Variants in WDR41 observed in about 807,000 individuals in gnomAD.
The protein encoded by WDR41 is WD repeat domain 41.
WDR41 carries 63 observed loss-of-function variants against 69.3 expected under a neutral mutation model. The observed-to-expected ratio is 0.91, with a 90% CI of 0.74 to 1.12. The LOEUF (loss-of-function observed/expected upper bound fraction) is 1.12, where lower values mean the gene tolerates loss of function less well. WDR41 is among the 50% of genes most tolerant of loss of function. WDR41 has a pLI of 0.00. For missense variants in WDR41, 543 were observed against 534.5 expected (o/e 1.02, Z -0.16); for synonymous variants, 185 against 192.1 (o/e 0.96, Z 0.31).
At chr5:77,571,975 G>A (rs572369275) in intron 1 of WDR41, among the ~76,000 whole-genome samples, 44 of 152,214 alleles carry the variant, frequency 2.9e-4, no homozygotes, top group Admixed American at 1.0e-3. Context: ...AGGCTTCTGA[G>A]CCACACAATT....
intron 1 of WDR41, among the ~76,000 whole-genome samples, chr5:77,523,717 A>T (rs189572145): frequency 2.1e-4 from 32 of 152,304 alleles, no homozygotes; most frequent in African/African-American, 7.5e-4. Context: ...AATGGATTTG[A>T]ATACACCCAT....
chr5:77,609,204 G>C (rs1359042325), intron 1 of WDR41, among the ~76,000 whole-genome samples: 1 of 152,230 alleles, frequency 6.6e-6, no homozygotes, highest in Non-Finnish European at 1.5e-5. Flanking sequence ...GCCTGCATCT[G>C]TAGGCTCCAC....
intron 1 of WDR41, among the ~76,000 whole-genome samples, chr5:77,609,836 G>C (rs1288228989): frequency 6.6e-6 from 1 of 152,154 alleles, no homozygotes; most frequent in African/African-American, 2.4e-5. Context: ...AGAGAAGAAG[G>C]CTTCAGACAA....
intron 1 of WDR41, among the ~76,000 whole-genome samples, chr5:77,513,145 C>T (rs1257157905): frequency 6.6e-6 from 1 of 152,042 alleles, no homozygotes; most frequent in African/African-American, 2.4e-5. Context: ...AACTATATGG[C>T]ACATGCACTT....
chr5:77,473,582 A>T (rs7702031), intron 2 of WDR41, among the ~76,000 whole-genome samples: 135,582 of 152,148 alleles, frequency 0.89, 60,770 homozygotes, highest in East Asian at 0.99. Flanking sequence ...TACAATGAAC[A>T]CCAACAAATT....
At chr5:77,576,463 G>A (rs1193755813) in intron 1 of WDR41, among the ~76,000 whole-genome samples, 1 of 152,072 alleles carries the variant, frequency 6.6e-6, no homozygotes, top group African/African-American at 2.4e-5. Context: ...ACTGACCAGG[G>A]CAACACCATT....
At chr5:77,523,959 C>A (rs1417591674) in intron 1 of WDR41, among the ~76,000 whole-genome samples, 1 of 152,148 alleles carries the variant, frequency 6.6e-6, no homozygotes, top group Non-Finnish European at 1.5e-5. Flanking sequence ...AGGGAATTGA[C>A]AAATGTTTCA....
intron 1 of WDR41, among the ~76,000 whole-genome samples, chr5:77,553,052 A>G (rs189471745): frequency 6.4e-4 from 98 of 152,332 alleles, no homozygotes; most frequent in African/African-American, 2.3e-3. Context: ...GACCTCCCTG[A>G]AATTAGAAAT....
chr5:77,499,540 G>A (rs116102974), intron 1 of WDR41: 6 of 152,266 alleles, frequency 3.9e-5, no homozygotes, highest in African/African-American at 7.2e-5. Context: ...CTCTCCATTC[G>A]GTAGAGCTCA....
In WDR41 at chr5:77,433,286, A is replaced by T; in HGVS notation, c.1229T>A (p.Met410Lys). The T allele has an allele frequency of 1.2e-6, 2 of 1,608,618 alleles. No homozygotes were observed. The highest frequency in any genetic ancestry group is 1.7e-6 in the Non-Finnish European group (2 of 1,178,470). Residue 410 changes from methionine (M) to lysine (K), a missense_variant and splice_region_variant, in exon 13 of 13, where the codon ATG (methionine) becomes AAG (lysine). Transcript: ENST00000296679. ...TCCATGATCTTCAAAGTATAGAAAC[A>T]TCTGTAAAGAAAATTAAAACTGATT... is the stretch of plus-strand genomic sequence containing the variant. ...DLIGHSSSVE[M>K]FLYFEDHGLV...
intron 1 of WDR41, among the ~76,000 whole-genome samples, chr5:77,564,460 T>C (rs1743583251): frequency 6.6e-6 from 1 of 152,178 alleles, no homozygotes; most frequent in Non-Finnish European, 1.5e-5. Context: ...CCATTAAGAC[T>C]TCATGGACAG....
intron 1 of WDR41, among the ~76,000 whole-genome samples, chr5:77,598,423 C>A (rs1744262459): frequency 6.6e-6 from 1 of 152,154 alleles, no homozygotes; most frequent in Admixed American, 6.5e-5. Context: ...AAGGCTCTCT[C>A]TTTTCCACTA....
intron 1 of WDR41, among the ~76,000 whole-genome samples, chr5:77,604,875 T>C (rs1178430091): frequency 6.6e-6 from 1 of 152,054 alleles, no homozygotes. Context: ...AAAAAAGTAG[T>C]GTACAGAACA....
At chr5:77,594,032 A>C in intron 1 of WDR41, among the ~76,000 whole-genome samples, 1 of 152,112 alleles carries the variant, frequency 6.6e-6, no homozygotes, top group Non-Finnish European at 1.5e-5. Flanking sequence ...GATAGATGAT[A>C]GATACATAGA....
chr5:77,504,613 C>T (rs1381805294), intron 1 of WDR41, among the ~76,000 whole-genome samples: 2 of 152,136 alleles, frequency 1.3e-5, no homozygotes, highest in Non-Finnish European at 1.5e-5. Flanking sequence ...AACATCGATG[C>T]AAAAATCCTC....
intron 1 of WDR41, among the ~76,000 whole-genome samples, chr5:77,536,244 C>T (rs1742979980): frequency 6.6e-6 from 1 of 152,092 alleles, no homozygotes; most frequent in African/African-American, 2.4e-5. Context: ...TCAATGTTTA[C>T]TGAGATCCTA....
At chr5:77,531,581 G>A (rs1296795987) in intron 1 of WDR41, among the ~76,000 whole-genome samples, 1 of 151,860 alleles carries the variant, frequency 6.6e-6, no homozygotes, top group Non-Finnish European at 1.5e-5. Context: ...GAAAACAGTT[G>A]GTGGTTCCTT....
chr5:77,570,353 T>C (rs1038154310), intron 1 of WDR41, among the ~76,000 whole-genome samples: 10 of 151,748 alleles, frequency 6.6e-5, no homozygotes, highest in African/African-American at 2.4e-4. Context: ...TATCATCTAA[T>C]AATTATATGA....
intron 1 of WDR41, among the ~76,000 whole-genome samples, chr5:77,512,745 C>CAAAAA (rs71606301): frequency 6.2e-4 from 46 of 74,078 alleles, no homozygotes; most frequent in African/African-American, 2.0e-3. Context: ...GACTCCATCT[C>CAAAAA]AAAAAAAAAA....
Sources: allele counts gnomAD v4.1 joint callset (sites outside exome capture counted in the v4.1 genomes callset), GRCh38; gene constraint gnomAD v4.1.1; transcripts MANE v1.5; gene names NCBI Gene and HGNC (gene_info 2026-07-23, HGNC 2026-07-21).